Variants in UNC5D observed in about 807,000 individuals in gnomAD.
UNC5D encodes the protein unc-5 netrin receptor D.
A neutral mutation model predicts 105.4 loss-of-function variants in UNC5D; 39 were observed. That is an observed-to-expected ratio of 0.37 (90% CI 0.29 to 0.48). UNC5D has a LOEUF of 0.48. Among genes scored for constraint, UNC5D ranks in the 20% least tolerant of loss-of-function variants. UNC5D has a pLI of 0.98. For synonymous variants in UNC5D, 452 were observed against 450.4 expected (o/e 1.00, Z -0.04); for missense variants, 991 against 1,202.4 (o/e 0.82, Z 2.60).
chr8:35,246,549 G>A (rs923832537), intron 1 of UNC5D, among the ~76,000 whole-genome samples: 32 of 152,148 alleles, frequency 2.1e-4, no homozygotes, highest in Non-Finnish European at 4.3e-4. Context: ...TCAGTTGGGT[G>A]TATGGGACCC....
intron 1 of UNC5D, among the ~76,000 whole-genome samples, chr8:35,456,767 G>T (rs780053656): frequency 6.6e-6 from 1 of 152,170 alleles, no homozygotes. Flanking sequence ...GTGCCTCACT[G>T]CATTACATGG....
Position 35,670,118 on chromosome 8 carries a change from T to G in UNC5D, c.571-13429T>G, listed in dbSNP as rs550330931. On this transcript the variant is annotated intron_variant, in intron 4 of 16. Transcript: ENST00000404895. ...TGGCCAGAGTGGGAGGAGGAAAGAA[T>G]ATATGGTATTATAAAAACAGGTGAA... Among the ~76,000 whole-genome samples the G allele has an allele frequency of 3.9e-4, 60 of 152,194 alleles. 1 individual carries two copies. Among genetic ancestry groups the G allele is most frequent in the Admixed American group, 2.2e-3 (33 of 15,280 alleles).
At chr8:35,355,948 ACTTCCCAGCCTTCAGGCTAGAGTG>A (rs956494954) in intron 1 of UNC5D, among the ~76,000 whole-genome samples, 1 of 152,024 alleles carries the variant, frequency 6.6e-6, no homozygotes, top group African/African-American at 2.4e-5. Flanking sequence ...TTGATCTTGG[ACTTCCCAGCCTTCAGGCTAGAGTG>A]CTGTGGCATG....
intron 2 of UNC5D, among the ~76,000 whole-genome samples, chr8:35,551,583 G>C (rs908117025): frequency 2.0e-5 from 3 of 152,158 alleles, no homozygotes; most frequent in African/African-American, 7.2e-5. Context: ...ACTTTGGGAG[G>C]CCGAGGTGGG....
rs544931430 is a variant in UNC5D at position 35,422,588 on chromosome 8, G to A, written c.104-126704G>A. Among the ~76,000 whole-genome samples, 3 of 152,306 alleles carry A rather than the reference G, an allele frequency of 2.0e-5. No homozygotes were observed. The South Asian group carries it at 6.2e-4, about 32-fold the overall frequency. ...AAATTCCATTTCTCTACAAATTTCA[G>A]TATCTATGCACACAGATAATTATTT... On this transcript the variant is annotated intron_variant, in intron 1 of 16. Transcript: ENST00000404895.
At chr8:35,387,664 C>T (rs746379574) in intron 1 of UNC5D, among the ~76,000 whole-genome samples, 1 of 152,106 alleles carries the variant, frequency 6.6e-6, no homozygotes, top group African/African-American at 2.4e-5. Flanking sequence ...GGCTGTGCAA[C>T]GTTGAACAAG....
intron 4 of UNC5D, among the ~76,000 whole-genome samples, chr8:35,611,010 C>CAAAAAAAAAAAAAA (rs11314770): frequency 3.3e-5 from 2 of 60,098 alleles, no homozygotes; most frequent in African/African-American, 6.6e-5. Flanking sequence ...GACAAAGAAG[C>CAAAAAAAAAAAAAA]AAAAAAAAAA....
chr8:35,425,651 G>C (rs1452529365), intron 1 of UNC5D, among the ~76,000 whole-genome samples: 2 of 152,188 alleles, frequency 1.3e-5, no homozygotes, highest in Admixed American at 6.5e-5. Flanking sequence ...TCCTCCCTCA[G>C]AACCAATTGT....
At chr8:35,520,228 T>G (rs1813371736) in intron 1 of UNC5D, among the ~76,000 whole-genome samples, 1 of 152,092 alleles carries the variant, frequency 6.6e-6, no homozygotes, top group South Asian at 2.1e-4. Flanking sequence ...TATTTGTCAA[T>G]ATAAAGAAAT....
chr8:35,270,791 G>T (rs1396655298), intron 1 of UNC5D, among the ~76,000 whole-genome samples: 1 of 152,040 alleles, frequency 6.6e-6, no homozygotes, highest in Non-Finnish European at 1.5e-5. Flanking sequence ...TAAAACAGTG[G>T]CTCATAACAT....
intron 1 of UNC5D, among the ~76,000 whole-genome samples, chr8:35,339,731 A>C (rs973540412): frequency 1.3e-5 from 2 of 152,218 alleles, no homozygotes; most frequent in Non-Finnish European, 2.9e-5. Context: ...CTCCAGAGAC[A>C]GAGTTGTTTG....
At chr8:35,687,628 G>A (rs1007544682) in intron 7 of UNC5D, among the ~76,000 whole-genome samples, 3 of 152,028 alleles carry the variant, frequency 2.0e-5, no homozygotes, top group African/African-American at 7.2e-5. Context: ...TGGGTTAGAA[G>A]GCATGGGAGG....
intron 4 of UNC5D, among the ~76,000 whole-genome samples, chr8:35,637,687 C>T (rs1822468298): frequency 6.6e-6 from 1 of 152,186 alleles, no homozygotes; most frequent in Non-Finnish European, 1.5e-5. Context: ...ATTCAGCCTG[C>T]TCTGTTTGCA....
intron 1 of UNC5D, among the ~76,000 whole-genome samples, chr8:35,309,182 C>A (rs1316779812): frequency 1.3e-5 from 2 of 152,104 alleles, no homozygotes; most frequent in Non-Finnish European, 2.9e-5. Context: ...TATCACCAAG[C>A]AATGATGATG....
intron 16 of UNC5D, among the ~76,000 whole-genome samples, chr8:35,781,924 GA>G (rs1168022393): frequency 3.3e-5 from 5 of 152,168 alleles, no homozygotes; most frequent in African/African-American, 1.2e-4. Context: ...AATGATGAGG[GA>G]AATTTTATTG....
intron 4 of UNC5D, among the ~76,000 whole-genome samples, chr8:35,657,078 G>GTGTGTGTATATATATATATATATA (rs1823801558): frequency 2.5e-5 from 2 of 80,556 alleles, no homozygotes; most frequent in African/African-American, 1.2e-4. Context: ...GTGTGTGTGT[G>GTGTGTGTATATATATATATATATA]TGTATATATA....
In UNC5D at chr8:35,525,189, G is replaced by A. The variant is rs531132201; in HGVS notation, c.104-24103G>A. Reference sequence around the variant, plus strand: ...ATGTGTACGGACTCAGGATGACAGGGCAGCCTCCTTCTGTGGTTGCTGGGC... The same window carrying A: ...ATGTGTACGGACTCAGGATGACAGGACAGCCTCCTTCTGTGGTTGCTGGGC... On this transcript the variant is annotated intron_variant, in intron 1 of 16. Transcript: ENST00000404895. 555 of 1,610,648 alleles carry A rather than the reference G, an allele frequency of 3.4e-4. 3 individuals are homozygous for A. In the Admixed American group the frequency reaches 9.2e-3, roughly 27 times the overall value.
intron 4 of UNC5D, among the ~76,000 whole-genome samples, chr8:35,611,195 T>A (rs1820658327): frequency 6.6e-6 from 1 of 152,092 alleles, no homozygotes; most frequent in Non-Finnish European, 1.5e-5. Context: ...AACAGAAAAT[T>A]CTTGTAATGT....
chr8:35,515,060 C>A (rs980524013), intron 1 of UNC5D, among the ~76,000 whole-genome samples: 3 of 152,144 alleles, frequency 2.0e-5, no homozygotes, highest in African/African-American at 7.2e-5. Flanking sequence ...GTGGTTAGGG[C>A]AATTTCTGAA....
Sources: allele counts gnomAD v4.1 joint callset (sites outside exome capture counted in the v4.1 genomes callset), GRCh38; gene constraint gnomAD v4.1.1; transcripts MANE v1.5; gene names NCBI Gene and HGNC (gene_info 2026-07-23, HGNC 2026-07-21).